CRISPLD2: variants seen among roughly 807,000 people sequenced by gnomAD.
CRISPLD2 encodes cysteine rich secretory protein LCCL domain containing 2.
A neutral mutation model predicts 71.1 loss-of-function variants in CRISPLD2; 47 were observed. The observed-to-expected ratio is 0.66, with a 90% CI of 0.52 to 0.84. CRISPLD2 has a LOEUF of 0.84. Ranked by LOEUF, CRISPLD2 falls within the 40% of genes least tolerant of loss-of-function variation. CRISPLD2 has a pLI of 0.00. For missense variants in CRISPLD2, 830 were observed against 651.1 expected, an observed-to-expected ratio of 1.27 and a Z score of -2.99; for synonymous variants, 317 against 250.1, an observed-to-expected ratio of 1.27 and a Z score of -2.52.
At chr16:84,841,178 G>C (rs1916760938) in intron 2 of CRISPLD2, among the ~76,000 whole-genome samples, 1 of 152,226 alleles carries the variant, frequency 6.6e-6, no homozygotes, top group African/African-American at 2.4e-5. Flanking sequence ...GAAGAATCCT[G>C]ACTGAGAGGG....
intron 1 of CRISPLD2, among the ~76,000 whole-genome samples, chr16:84,828,812 T>C (rs1440325963): frequency 1.3e-5 from 2 of 152,238 alleles, no homozygotes; most frequent in African/African-American, 2.4e-5. Context: ...TCCAGAATTT[T>C]GTATATGCTT....
chr16:84,880,628 A>AT, intron 13 of CRISPLD2, 44 bp downstream of exon 13: 1 of 1,499,314 alleles, frequency 6.7e-7, no homozygotes, highest in Non-Finnish European at 9.3e-7. Flanking sequence ...AAAGCCTGTT[A>AT]AAGACCTCAA....
At chr16:84,882,362 A>AG (rs1220309433) in intron 13 of CRISPLD2, among the ~76,000 whole-genome samples, 3 of 149,052 alleles carry the variant, frequency 2.0e-5, no homozygotes, top group East Asian at 2.0e-4. Context: ...AAAAAAAAAA[A>AG]AAAAAAAAAG....
chr16:84,853,545 CT>C (rs1329678778), intron 5 of CRISPLD2, among the ~76,000 whole-genome samples: 1 of 152,348 alleles, frequency 6.6e-6, no homozygotes, highest in Non-Finnish European at 1.5e-5. Context: ...CCACAGGCCC[CT>C]CGGTGAGGCC....
intron 1 of CRISPLD2, among the ~76,000 whole-genome samples, chr16:84,830,176 G>T (rs2143147258): frequency 6.6e-6 from 1 of 152,222 alleles, no homozygotes; most frequent in South Asian, 2.1e-4. Flanking sequence ...TACAAAATTA[G>T]CTGTGCCTGG....
chr16:84,825,292 G>A (rs150210832), intron 1 of CRISPLD2, among the ~76,000 whole-genome samples: 13 of 152,248 alleles, frequency 8.5e-5, no homozygotes, highest in Admixed American at 4.6e-4. Context: ...GCCAGGCGCC[G>A]TGGCTCATGC....
At chr16:84,882,689 G>A (rs2071579366) in intron 13 of CRISPLD2, among the ~76,000 whole-genome samples, 1 of 152,220 alleles carries the variant, frequency 6.6e-6, no homozygotes, top group Admixed American at 6.5e-5. Flanking sequence ...ACCAACATGA[G>A]CCTCTGCACC....
rs529845570 is a variant in CRISPLD2, at chr16:84,821,761, A to G, written c.-75+1628A>G. 2.0e-4 allele frequency among the ~76,000 whole-genome samples: 31 copies of G among 152,332 alleles called. No homozygotes were observed. In the South Asian group the frequency reaches 6.2e-3, roughly 31 times the overall value. ...GAGTTTCTTAAGATGTGAGAGTAGG[A>G]ATAGTAATAATGCCATTTGTAATAA... is the stretch of plus-strand genomic sequence containing the variant. On this transcript the variant is annotated intron_variant, in intron 1 of 14. Coordinates refer to ENST00000262424, the MANE Select transcript of CRISPLD2 (RefSeq NM_031476.4).
At chr16:84,867,990 C>T (rs1047931451) in intron 7 of CRISPLD2, among the ~76,000 whole-genome samples, 2 of 152,218 alleles carry the variant, frequency 1.3e-5, no homozygotes, top group African/African-American at 4.8e-5. Flanking sequence ...GGCGTTTTTG[C>T]TCAGGCGGGG....
intron 2 of CRISPLD2, among the ~76,000 whole-genome samples, chr16:84,845,532 T>A (rs1916888376): frequency 6.6e-6 from 1 of 152,226 alleles, no homozygotes; most frequent in Non-Finnish European, 1.5e-5. Flanking sequence ...TCACAGACAC[T>A]GAGGCCCAGA....
At chr16:84,883,328 C>T (rs1231637312) in intron 13 of CRISPLD2, among the ~76,000 whole-genome samples, 1 of 152,206 alleles carries the variant, frequency 6.6e-6, no homozygotes, top group Non-Finnish European at 1.5e-5. Context: ...CTGCCTGCGG[C>T]TCCCGCCTGT....
chr16:84,849,082 A>G (rs547675604), intron 3 of CRISPLD2: 1 of 268,688 alleles, frequency 3.7e-6, no homozygotes, highest in Admixed American at 4.5e-5. Context: ...AGCCTACTAG[A>G]GACCCCAGGT....
chr16:84,894,808 G>T (rs1476349461), intron 14 of CRISPLD2, among the ~76,000 whole-genome samples: 1 of 152,034 alleles, frequency 6.6e-6, no homozygotes, highest in African/African-American at 2.4e-5. Context: ...TCTCCATTTG[G>T]ACGAGCCCAT....
chr16:84,890,618 T>C (rs1317288868), intron 14 of CRISPLD2, among the ~76,000 whole-genome samples: 1 of 151,254 alleles, frequency 6.6e-6, no homozygotes, highest in Admixed American at 6.6e-5. Flanking sequence ...TCCCTAGAAG[T>C]GGGCCGGGTG....
chr16:84,840,922 T>G (rs1303628885), intron 2 of CRISPLD2, among the ~76,000 whole-genome samples: 1 of 152,150 alleles, frequency 6.6e-6, no homozygotes, highest in African/African-American at 2.4e-5. Flanking sequence ...AACTGGTGAA[T>G]TCTATGTATT....
intron 3 of CRISPLD2, among the ~76,000 whole-genome samples, chr16:84,848,831 G>A (rs1455244286): frequency 2.6e-5 from 4 of 151,954 alleles, no homozygotes; most frequent in African/African-American, 7.3e-5. Context: ...TTTCTCCAAC[G>A]TACCTGAAAA....
chr16:84,884,982 G>C (rs546444708), intron 13 of CRISPLD2, among the ~76,000 whole-genome samples: 2 of 152,342 alleles, frequency 1.3e-5, no homozygotes, highest in South Asian at 4.1e-4. Flanking sequence ...CTTGCTCCTG[G>C]TACTGCAGCA....
intron 3 of CRISPLD2, among the ~76,000 whole-genome samples, chr16:84,848,309 A>G (rs912865132): frequency 6.6e-6 from 1 of 152,194 alleles, no homozygotes; most frequent in Admixed American, 6.5e-5. Flanking sequence ...TAATTGTTAC[A>G]AGACCTCTAA....
chr16:84,860,528 T>G (rs1917350843), intron 6 of CRISPLD2, among the ~76,000 whole-genome samples: 1 of 151,540 alleles, frequency 6.6e-6, no homozygotes, highest in Non-Finnish European at 1.5e-5. Context: ...GCCTGGCAGC[T>G]GCCTCAGGCG....
Sources: allele counts gnomAD v4.1 joint callset (sites outside exome capture counted in the v4.1 genomes callset), GRCh38; gene constraint gnomAD v4.1.1; transcripts MANE v1.5; gene names NCBI Gene and HGNC (gene_info 2026-07-23, HGNC 2026-07-21).